SYNDIG1: variants seen among roughly 807,000 people sequenced by gnomAD.
SYNDIG1 encodes synapse differentiation inducing 1.
In SYNDIG1, 9 loss-of-function variants were observed where a neutral mutation model predicts 19.4. That is an observed-to-expected ratio of 0.46 (90% CI 0.28 to 0.81). SYNDIG1 has a LOEUF of 0.81. Ranked by LOEUF, SYNDIG1 falls within the 30% of genes least tolerant of loss-of-function variation. SYNDIG1 has a pLI of 0.12. For missense variants in SYNDIG1, 311 were observed against 343.3 expected (o/e 0.91, Z 0.74); for synonymous variants, 141 against 145.9 (o/e 0.97, Z 0.24).
At position 24,507,515 on chromosome 20, in the gene SYNDIG1, C is replaced by G. The variant is rs189644224; in HGVS notation, c.-78-35505C>G. On this transcript the variant is annotated intron_variant, in intron 1 of 3. Coordinates refer to ENST00000376862, the MANE Select transcript of SYNDIG1 (RefSeq NM_024893.3). ...TGGAAGCTCTGTTCCTAGCCCATCC[C>G]TCTCCAGCTCCAGGAACCCAGCCCT... 1.3e-3 allele frequency among the ~76,000 whole-genome samples: 203 copies of G among 152,346 alleles called. 6 individuals are homozygous for G. The East Asian group carries it at 0.036, about 27-fold the overall frequency.
At position 24,604,483 on chromosome 20, in the gene SYNDIG1, T is replaced by C. The variant is rs2058724880; in HGVS notation, c.618+19490T>C. Among the ~76,000 whole-genome samples the C allele has an allele frequency of 2.0e-5, 3 of 152,272 alleles. No individual in the cohort carries two copies. In the South Asian group the frequency reaches 6.2e-4, roughly 32 times the overall value. On this transcript the variant is annotated intron_variant, in intron 3 of 3. Coordinates refer to ENST00000376862, the MANE Select transcript of SYNDIG1 (RefSeq NM_024893.3). Reference sequence around the variant, plus strand: ...TCCTCACTGCTCATTATATGCTAATTACATGCACCGCCATGCTAAAAGACA... The same window carrying C: ...TCCTCACTGCTCATTATATGCTAATCACATGCACCGCCATGCTAAAAGACA...
chr20:24,517,745 A>ATG (rs374171218), intron 1 of SYNDIG1, among the ~76,000 whole-genome samples: 3,054 of 140,346 alleles, frequency 0.022, 38 homozygotes, highest in Middle Eastern at 0.042. Flanking sequence ...ATATATGTGT[A>ATG]TGTGTGTGTG....
At chr20:24,470,818 A>G (rs2055415095) in intron 1 of SYNDIG1, among the ~76,000 whole-genome samples, 1 of 152,110 alleles carries the variant, frequency 6.6e-6, no homozygotes, top group Non-Finnish European at 1.5e-5. Flanking sequence ...CTTGGCACCC[A>G]GACTTCAGGT....
rs944128757 is a variant in SYNDIG1, at chr20:24,573,878, C to T, written c.481-10978C>T. Among the ~76,000 whole-genome samples the T allele has an allele frequency of 3.3e-5, 5 of 152,316 alleles. No individual in the cohort carries two copies. The East Asian group carries it at 9.7e-4, about 29-fold the overall frequency. On this transcript the variant is annotated intron_variant, in intron 2 of 3. Transcript: ENST00000376862. The stretch of plus-strand genomic sequence containing the variant: ...CTCTGCAGCAGGTGCTCTCAGCTCC[C>T]CTTACCCCACACCTTCTCAGGTGTT...
rs567855982 is a variant in SYNDIG1 at position 24,552,759 on chromosome 20, G to A, written c.480+9182G>A. ...AGTCTTTGCTATTGTGAATAGTGCTGCAATAAACATACATATGCATGTGTC... is the reference window on the plus strand; with the variant it reads ...AGTCTTTGCTATTGTGAATAGTGCTACAATAAACATACATATGCATGTGTC... On this transcript the variant is annotated intron_variant, in intron 2 of 3. Transcript: ENST00000376862. 2.9e-3 allele frequency among the ~76,000 whole-genome samples: 449 copies of A among 152,240 alleles called. 1 individual carries two copies. Among genetic ancestry groups the A allele is most frequent in the African/African-American group, 0.01 (433 of 41,558 alleles).
chr20:24,496,100 C>T (rs1276544737), intron 1 of SYNDIG1, among the ~76,000 whole-genome samples: 4 of 152,178 alleles, frequency 2.6e-5, no homozygotes, highest in Non-Finnish European at 1.5e-5. Context: ...CCGCCTCGGC[C>T]TCCCAAAGTG....
chr20:24,621,043 T>C (rs1020120696), intron 3 of SYNDIG1, among the ~76,000 whole-genome samples: 3 of 152,184 alleles, frequency 2.0e-5, no homozygotes, highest in African/African-American at 7.2e-5. Context: ...CTTGTGAATC[T>C]TCAGTGGGCA....
chr20:24,577,116 A>G (rs2146973869), intron 2 of SYNDIG1, among the ~76,000 whole-genome samples: 1 of 152,324 alleles, frequency 6.6e-6, no homozygotes, highest in Non-Finnish European at 1.5e-5. Context: ...GTGTTCAAAT[A>G]TGAAAACAGG....
intron 1 of SYNDIG1, among the ~76,000 whole-genome samples, chr20:24,475,330 A>G (rs996478733): frequency 6.6e-6 from 1 of 152,162 alleles, no homozygotes; most frequent in Non-Finnish European, 1.5e-5. Context: ...TACCAATTCC[A>G]TTGTTAATTA....
chr20:24,576,517 C>T (rs2058229948), intron 2 of SYNDIG1, among the ~76,000 whole-genome samples: 1 of 152,178 alleles, frequency 6.6e-6, no homozygotes, highest in Non-Finnish European at 1.5e-5. Context: ...CATCACATAC[C>T]TGGAAGGGGC....
intron 3 of SYNDIG1, among the ~76,000 whole-genome samples, chr20:24,601,430 G>C (rs2058678574): frequency 6.6e-6 from 1 of 152,076 alleles, no homozygotes. Flanking sequence ...TTTGAGCCTG[G>C]ACTTCTCATC....
intron 2 of SYNDIG1, among the ~76,000 whole-genome samples, chr20:24,561,055 G>T (rs1332783335): frequency 6.6e-6 from 1 of 151,322 alleles, no homozygotes; most frequent in Non-Finnish European, 1.5e-5. Flanking sequence ...TTCACTTCTG[G>T]GTCTGCATAG....
intron 1 of SYNDIG1, among the ~76,000 whole-genome samples, chr20:24,484,456 G>A (rs188065997): frequency 4.5e-4 from 69 of 152,306 alleles, no homozygotes; most frequent in African/African-American, 1.6e-3. Flanking sequence ...GACAGGTTGC[G>A]TGAACTTTTC....
At chr20:24,494,914 A>G (rs2056257511) in intron 1 of SYNDIG1, among the ~76,000 whole-genome samples, 1 of 152,134 alleles carries the variant, frequency 6.6e-6, no homozygotes, top group Middle Eastern at 3.2e-3. Flanking sequence ...TTTTGCATTA[A>G]TGTAGGACCC....
rs143200545 is a variant in SYNDIG1, at chr20:24,580,911, C to T, written c.481-3945C>T. 3.6e-4 allele frequency among the ~76,000 whole-genome samples: 55 copies of T among 152,292 alleles called. No individual in the cohort carries two copies. In the East Asian group the frequency reaches 0.01, roughly 28 times the overall value. Reference sequence around the variant, plus strand: ...CAATTTCTAAAGATGGAAGGCAATGCCTCCAAGTGCCTACGTGGTCCGGGT... The same window carrying T: ...CAATTTCTAAAGATGGAAGGCAATGTCTCCAAGTGCCTACGTGGTCCGGGT... On this transcript the variant is annotated intron_variant, in intron 2 of 3. Transcript: ENST00000376862.
intron 3 of SYNDIG1, among the ~76,000 whole-genome samples, chr20:24,619,904 A>G (rs1193252705): frequency 6.6e-6 from 1 of 152,124 alleles, no homozygotes; most frequent in Non-Finnish European, 1.5e-5. Context: ...CCAAGTTCAG[A>G]CCCTGCATGA....
intron 2 of SYNDIG1, among the ~76,000 whole-genome samples, chr20:24,581,522 A>G (rs555520112): frequency 1.8e-4 from 27 of 152,152 alleles, no homozygotes; most frequent in African/African-American, 6.5e-4. Context: ...GGACCTCCCG[A>G]GCATCTCCTG....
intron 3 of SYNDIG1, among the ~76,000 whole-genome samples, chr20:24,609,985 A>G (rs932759154): frequency 6.6e-6 from 1 of 151,882 alleles, no homozygotes; most frequent in Admixed American, 6.6e-5. Context: ...CCACCACCAC[A>G]TGGGGCCTCT....
intron 3 of SYNDIG1, among the ~76,000 whole-genome samples, chr20:24,664,693 T>A (rs145224146): frequency 0.011 from 1,728 of 152,310 alleles, 25 homozygotes; most frequent in African/African-American, 0.04. Context: ...TTGTATCAAA[T>A]GATTTTATTG....
Sources: allele counts gnomAD v4.1 joint callset (sites outside exome capture counted in the v4.1 genomes callset), GRCh38; gene constraint gnomAD v4.1.1; transcripts MANE v1.5; gene names NCBI Gene and HGNC (gene_info 2026-07-23, HGNC 2026-07-21).